The following NBEA variants were observed in gnomAD, a reference collection of about 807,000 sequenced individuals.
NBEA encodes neurobeachin.
NBEA carries 44 observed loss-of-function variants against 343.4 expected under a neutral mutation model. The ratio of observed to expected loss-of-function variants is 0.13; its 90% CI spans 0.10 to 0.16. NBEA has a LOEUF of 0.16. Among genes scored for constraint, NBEA ranks in the 10% least tolerant of loss-of-function variants. The pLI is 1.00. For missense variants in NBEA, 2,555 were observed against 3,631.3 expected (o/e 0.70, Z 7.62); for synonymous variants, 1,175 against 1,238.7 (o/e 0.95, Z 1.08).
Position 35,472,487 on chromosome 13 carries a change from A to G in NBEA, c.6536A>G (p.Tyr2179Cys). The change falls in exon 41 of 59, where the codon TAC (tyrosine) becomes TGC (cysteine). Residue 2179 changes from tyrosine (Y) to cysteine (C), a missense_variant. Physicochemically the swap from Tyr to Cys is radical, Grantham distance 194 (BLOSUM62 -2). Coordinates refer to ENST00000379939, the MANE Select transcript of NBEA (RefSeq NM_001385012.1). ...GTLSITTTEI[Y>C]FEVDEDDSAF... The stretch of plus-strand genomic sequence containing the variant: ...CTCTCCATCACCACGACAGAAATCT[A>G]CTTCGAGGTAGATGAGGATGATTCT... 2 of 1,613,950 alleles carry G rather than the reference A, an allele frequency of 1.2e-6. No individual in the cohort carries two copies. The highest frequency in any genetic ancestry group is 1.7e-6 in the Non-Finnish European group (2 of 1,179,870).
intron 36 of NBEA, among the ~76,000 whole-genome samples, chr13:35,318,757 G>T (rs1483719182): frequency 6.6e-6 from 1 of 151,858 alleles, no homozygotes. Context: ...TTGTTGGTAG[G>T]CTATTACGGC....
At chr13:35,379,170 A>G (rs773477131) in intron 38 of NBEA, among the ~76,000 whole-genome samples, 2 of 151,780 alleles carry the variant, frequency 1.3e-5, no homozygotes, top group African/African-American at 2.4e-5. Flanking sequence ...GTTTAACTTT[A>G]CTGCTGAACA....
At chr13:35,130,211 C>CTT (rs1352279292) in intron 17 of NBEA, among the ~76,000 whole-genome samples, 2 of 151,970 alleles carry the variant, frequency 1.3e-5, no homozygotes, top group African/African-American at 4.8e-5. Flanking sequence ...TACTGAGAAC[C>CTT]TAAAACTGCT....
intron 41 of NBEA, among the ~76,000 whole-genome samples, chr13:35,491,739 A>G (rs542940609): frequency 2.6e-5 from 4 of 152,072 alleles, no homozygotes; most frequent in Middle Eastern, 3.4e-3. Context: ...ACAAGGAATT[A>G]TGCTAGGGAA....
intron 6 of NBEA, among the ~76,000 whole-genome samples, chr13:35,055,574 T>C (rs2063224232): frequency 2.0e-5 from 3 of 152,162 alleles, no homozygotes; most frequent in Admixed American, 1.3e-4. Context: ...CTGTTCTTTT[T>C]CTCTTCACTG....
chr13:35,522,990 G>A (rs1215105220), intron 41 of NBEA, among the ~76,000 whole-genome samples: 1 of 152,142 alleles, frequency 6.6e-6, no homozygotes, highest in Non-Finnish European at 1.5e-5. Context: ...TGTGGAGCTG[G>A]AATCAACAGG....
At chr13:35,303,253 A>G (rs964261990) in intron 35 of NBEA, among the ~76,000 whole-genome samples, 1 of 152,138 alleles carries the variant, frequency 6.6e-6, no homozygotes, top group Admixed American at 6.5e-5. Flanking sequence ...TTCAATTAGT[A>G]TTGTTCATCC....
Position 35,110,810 on chromosome 13 carries a change from G to A in NBEA, c.1834G>A (p.Val612Ile), listed in dbSNP as rs1306111230. The A allele has an allele frequency of 1.9e-6, 3 of 1,607,944 alleles. No individual in the cohort carries two copies. Among genetic ancestry groups the A allele is most frequent in the Non-Finnish European group, 2.6e-6 (3 of 1,175,246 alleles). ...PAIWIHTPAKVQLSLYTYLSA... is the reference protein window; with the variant it reads ...PAIWIHTPAKIQLSLYTYLSA... ...ATGATCTGTTAATATTCTGTATTAGGTTCAGCTTTCCCTATACACATATTT... is the reference window on the plus strand; with the variant it reads ...ATGATCTGTTAATATTCTGTATTAGATTCAGCTTTCCCTATACACATATTT... Residue 612 changes from valine to isoleucine, a missense_variant and splice_region_variant, in exon 13 of 59, where the codon GTT (valine) becomes ATT (isoleucine). Coordinates refer to ENST00000379939, the MANE Select transcript of NBEA (RefSeq NM_001385012.1).
intron 41 of NBEA, among the ~76,000 whole-genome samples, chr13:35,532,494 A>C (rs912284055): frequency 6.0e-4 from 91 of 152,324 alleles, no homozygotes; most frequent in African/African-American, 2.0e-3. Flanking sequence ...ATCAAATCAC[A>C]ATGTTAATTA....
chr13:35,394,036 C>CT (rs2042625783), intron 38 of NBEA, among the ~76,000 whole-genome samples: 1 of 152,094 alleles, frequency 6.6e-6, no homozygotes, highest in South Asian at 2.1e-4. Flanking sequence ...TAAGGCTCAC[C>CT]TTCCTGTTTG....
Position 35,117,501 on chromosome 13 carries a change from A to G in NBEA, c.2082+8A>G. On this transcript the variant is annotated splice_region_variant and intron_variant, in intron 14 of 58. Coordinates refer to ENST00000379939, the MANE Select transcript of NBEA (RefSeq NM_001385012.1). ...AAACAGCTGATACTAAAGGTAAAATAATTTTATATAATTTAAAATAATAGT... is the reference window on the plus strand; with the variant it reads ...AAACAGCTGATACTAAAGGTAAAATGATTTTATATAATTTAAAATAATAGT... 8.3e-7 allele frequency: 1 copy of G among 1,205,960 alleles called. No individual in the cohort carries two copies. The highest frequency in any genetic ancestry group is 1.1e-6 in the Non-Finnish European group (1 of 921,526). The allele number at this position is 1,205,960 out of a possible 1,614,324, so 74.7% of individuals were successfully genotyped here.
intron 30 of NBEA, among the ~76,000 whole-genome samples, chr13:35,184,837 G>C (rs117989790): frequency 0.016 from 2,399 of 152,140 alleles, 24 homozygotes; most frequent in Middle Eastern, 0.034. Context: ...ACTGACTTCA[G>C]AACAAAGGAT....
intron 10 of NBEA, among the ~76,000 whole-genome samples, chr13:35,094,240 T>G (rs181229962): frequency 6.6e-5 from 10 of 152,076 alleles, no homozygotes; most frequent in African/African-American, 2.2e-4. Context: ...TGGTAGCAAT[T>G]CAGTTTATAA....
At chr13:35,531,220 G>A (rs1233542477) in intron 41 of NBEA, among the ~76,000 whole-genome samples, 1 of 152,028 alleles carries the variant, frequency 6.6e-6, no homozygotes, top group Non-Finnish European at 1.5e-5. Flanking sequence ...CTTCAGCCAA[G>A]AAATTATTAT....
chr13:35,662,997 T>C (rs1159370510), intron 55 of NBEA, among the ~76,000 whole-genome samples: 1 of 152,244 alleles, frequency 6.6e-6, no homozygotes, highest in East Asian at 1.9e-4. Context: ...TTAATTTTTA[T>C]GGATACATAA....
intron 38 of NBEA, among the ~76,000 whole-genome samples, chr13:35,408,488 A>G (rs143616706): frequency 8.5e-4 from 129 of 152,352 alleles, no homozygotes; most frequent in African/African-American, 3.1e-3. Flanking sequence ...AGCAATTCCA[A>G]CAAAAGCAAA....
At chr13:35,505,336 A>G (rs1469014602) in intron 41 of NBEA, among the ~76,000 whole-genome samples, 2 of 152,200 alleles carry the variant, frequency 1.3e-5, no homozygotes, top group Non-Finnish European at 2.9e-5. Flanking sequence ...TGTTGCTTAA[A>G]GACTAGCTCA....
intron 1 of NBEA, among the ~76,000 whole-genome samples, chr13:34,946,847 G>GT (rs778860351): frequency 0.017 from 2,201 of 130,198 alleles, 42 homozygotes; most frequent in African/African-American, 0.05. Context: ...TAACTTTAAG[G>GT]TTTTTTTTTT....
chr13:34,961,558 T>A (rs1397064575), intron 1 of NBEA, among the ~76,000 whole-genome samples: 2 of 152,058 alleles, frequency 1.3e-5, no homozygotes, highest in African/African-American at 4.8e-5. Flanking sequence ...TCATATCTGG[T>A]CACATATCCA....
Sources: gnomAD v4.1 joint callset for allele counts (sites outside exome capture counted in the v4.1 genomes callset) on GRCh38, gnomAD v4.1.1 for gene constraint, MANE v1.5 for transcripts, NCBI Gene and HGNC (gene_info 2026-07-23, HGNC 2026-07-21) for gene names.